The following ZNF469 variants were observed in gnomAD, a reference collection of about 807,000 sequenced individuals.
ZNF469 encodes zinc finger protein 469.
In ZNF469, 1 loss-of-function variant was observed where a neutral mutation model predicts 1.0. The ratio of observed to expected loss-of-function variants is 1.00; its 90% CI spans 0.35 to 4.73. The LOEUF is 4.73. Ranked by LOEUF, ZNF469 falls within the 30% of genes most tolerant of loss-of-function variation. The pLI is 0.16. For synonymous variants in ZNF469, 2,703 were observed against 2,363.4 expected, an observed-to-expected ratio of 1.14 and a Z score of -4.17; for missense variants, 6,100 against 5,356.3, an observed-to-expected ratio of 1.14 and a Z score of -4.33.
At chr16:88,213,003 T>G in the ZNF469 span, among the ~76,000 whole-genome samples, 1 of 152,246 alleles carries the variant, frequency 6.6e-6, no homozygotes, top group Non-Finnish European at 1.5e-5. Flanking sequence ...CTTAAGAATA[T>G]TTAATTTATG....
At chr16:88,337,413 G>A in the ZNF469 span, among the ~76,000 whole-genome samples, 1 of 152,208 alleles carries the variant, frequency 6.6e-6, no homozygotes, top group Non-Finnish European at 1.5e-5. Context: ...TCAGCCCTGT[G>A]GAACTGAATG....
chr16:88,357,539 C>T, the ZNF469 span, among the ~76,000 whole-genome samples: 1 of 152,222 alleles, frequency 6.6e-6, no homozygotes, highest in Non-Finnish European at 1.5e-5. Context: ...CCCAAGGCCT[C>T]TTTCCGAGCC....
chr16:88,411,914 C>T (rs1478785158), intron 1 of ZNF469, among the ~76,000 whole-genome samples: 1 of 4,372 alleles, frequency 2.3e-4, no homozygotes, highest in Non-Finnish European at 3.6e-4. Flanking sequence ...CCAGCCTGCC[C>T]TGCCTTCCCA....
intron 1 of ZNF469, among the ~76,000 whole-genome samples, chr16:88,393,529 G>C (rs932437956): frequency 4.6e-5 from 7 of 152,252 alleles, no homozygotes; most frequent in Admixed American, 3.9e-4. Flanking sequence ...GCTGTGTCCT[G>C]TGGCCCAGGG....
the ZNF469 span, among the ~76,000 whole-genome samples, chr16:88,112,393 T>C: frequency 6.6e-6 from 1 of 152,208 alleles, no homozygotes; most frequent in Non-Finnish European, 1.5e-5. Context: ...TAATTTACAT[T>C]CCCACCAACG....
At chr16:88,417,774 C>T (rs1597200541) in intron 1 of ZNF469, among the ~76,000 whole-genome samples, 1 of 152,206 alleles carries the variant, frequency 6.6e-6, no homozygotes, top group Admixed American at 6.5e-5. Flanking sequence ...CTCCCAGTGC[C>T]GGGGAGCTCT....
At chr16:88,356,166 C>T in the ZNF469 span, among the ~76,000 whole-genome samples, 79 of 152,156 alleles carry the variant, frequency 5.2e-4, no homozygotes, top group Non-Finnish European at 1.0e-3. Context: ...TCCCTCGTGC[C>T]CCTCCCACAC....
At chr16:88,395,915 G>A (rs925773224) in intron 1 of ZNF469, among the ~76,000 whole-genome samples, 5 of 152,188 alleles carry the variant, frequency 3.3e-5, no homozygotes, top group African/African-American at 9.7e-5. Context: ...CACCTGTCCC[G>A]AGGGTCCTGA....
the ZNF469 span, among the ~76,000 whole-genome samples, chr16:88,268,501 G>A: frequency 1.1e-4 from 16 of 152,336 alleles, no homozygotes; most frequent in South Asian, 2.1e-3. Flanking sequence ...GAAGAGGACC[G>A]GCTGAGTATT....
the ZNF469 span, among the ~76,000 whole-genome samples, chr16:88,293,636 T>C: frequency 6.6e-6 from 1 of 152,236 alleles, no homozygotes; most frequent in Non-Finnish European, 1.5e-5. Flanking sequence ...CCATTTCTTC[T>C]TTCTAGAATA....
chr16:88,229,628 GGATGTCACGTGTGTGTGCT>G, the ZNF469 span, among the ~76,000 whole-genome samples: 18 of 147,448 alleles, frequency 1.2e-4, no homozygotes, highest in South Asian at 3.5e-3. Flanking sequence ...TCACGCGTGT[GGATGTCACGTGTGTGTGCT>G]GATGTCACGC....
At chr16:88,122,918 C>G in the ZNF469 span, among the ~76,000 whole-genome samples, 16 of 152,188 alleles carry the variant, frequency 1.1e-4, no homozygotes, top group African/African-American at 3.6e-4. Flanking sequence ...TCATAGCTTA[C>G]TACAGCCTTG....
the ZNF469 span, among the ~76,000 whole-genome samples, chr16:88,122,777 GTGTGTATATATA>G: frequency 0.069 from 9,437 of 135,886 alleles, 445 homozygotes; most frequent in Admixed American, 0.14. Context: ...TCTTAGCTCT[GTGTGTATATATA>G]TGTGTATATA....
At chr16:88,203,766 CT>C in the ZNF469 span, among the ~76,000 whole-genome samples, 2 of 151,984 alleles carry the variant, frequency 1.3e-5, no homozygotes, top group South Asian at 4.1e-4. Context: ...GTGTCTCTCG[CT>C]TTATAAAGAC....
the ZNF469 span, among the ~76,000 whole-genome samples, chr16:88,175,064 C>T: frequency 2.0e-5 from 3 of 152,114 alleles, no homozygotes; most frequent in African/African-American, 7.2e-5. Flanking sequence ...GGAGAAATTT[C>T]TTCTTTCCTT....
the ZNF469 span, among the ~76,000 whole-genome samples, chr16:88,203,045 C>T: frequency 6.6e-6 from 1 of 151,972 alleles, no homozygotes; most frequent in African/African-American, 2.4e-5. Context: ...CAAATCGGAG[C>T]GGGGGCGGGG....
chr16:88,226,155 C>T, the ZNF469 span, among the ~76,000 whole-genome samples: 5 of 152,044 alleles, frequency 3.3e-5, no homozygotes, highest in Admixed American at 1.3e-4. Context: ...GGGTGCTAAA[C>T]GTCTTCCACC....
At chr16:88,242,884 C>T in the ZNF469 span, among the ~76,000 whole-genome samples, 37 of 152,278 alleles carry the variant, frequency 2.4e-4, no homozygotes, top group South Asian at 6.0e-3. Flanking sequence ...GCCAGGGCTT[C>T]GGAAGGAGCT....
At chr16:88,417,188 A>G (rs1597200298) in intron 1 of ZNF469, among the ~76,000 whole-genome samples, 3 of 121,924 alleles carry the variant, frequency 2.5e-5, no homozygotes, top group South Asian at 2.9e-4. Context: ...GCTGCAAGGG[A>G]GCTCAAAGCC....
Sources: allele counts gnomAD v4.1 joint callset (sites outside exome capture counted in the v4.1 genomes callset), GRCh38; gene constraint gnomAD v4.1.1; transcripts MANE v1.5; gene names NCBI Gene and HGNC (gene_info 2026-07-23, HGNC 2026-07-21).